The following ATXN8OS variants were observed in gnomAD, a reference collection of about 807,000 sequenced individuals.
ATXN8OS encodes the protein ATXN8 opposite strand (non-protein coding).
intron 2 of ATXN8OS, among the ~76,000 whole-genome samples, chr13:70,119,134 C>T (rs961462862): frequency 6.6e-6 from 1 of 151,946 alleles, no homozygotes; most frequent in African/African-American, 2.4e-5. Context: ...TCTAACTAAC[C>T]CCACAAAAAG....
rs976406739 is a variant in ATXN8OS, at chr13:70,132,112, T to C, written n.499+2228T>C. Among the ~76,000 whole-genome samples the C allele has an allele frequency of 3.3e-5, 5 of 152,236 alleles. No homozygotes were observed. The South Asian group carries it at 8.3e-4, about 25-fold the overall frequency. The stretch of plus-strand genomic sequence containing the variant: ...ATTTTTAGTTCACTTTTATAATGCA[T>C]TGAAAATACTTAGGGACATTATTTA... On this transcript the variant is annotated intron_variant and non_coding_transcript_variant, in intron 3 of 4. Coordinates refer to ENST00000678624, the Ensembl canonical transcript of ATXN8OS.
At chr13:70,114,320 C>T (rs1888243442) in intron 1 of ATXN8OS, among the ~76,000 whole-genome samples, 1 of 152,126 alleles carries the variant, frequency 6.6e-6, no homozygotes, top group Admixed American at 6.5e-5. Flanking sequence ...ACTCTAGTCA[C>T]TGGCCATCAT....
At chr13:70,107,934 AC>A in exon 1 of ATXN8OS, 1 of 480,890 alleles carries the variant, frequency 2.1e-6, no homozygotes. Flanking sequence ...GCGTGGGGAC[AC>A]CACCAGGCAG....
intron 4 of ATXN8OS, among the ~76,000 whole-genome samples, chr13:70,158,597 G>T (rs1423326568): frequency 6.6e-6 from 1 of 152,084 alleles, no homozygotes; most frequent in African/African-American, 2.4e-5. Flanking sequence ...TTCTGTAAAG[G>T]GTCAGATAGT....
chr13:70,109,749 C>A (rs1888171044), intron 1 of ATXN8OS, among the ~76,000 whole-genome samples: 1 of 152,030 alleles, frequency 6.6e-6, no homozygotes, highest in South Asian at 2.1e-4. Flanking sequence ...GGTGACAGAT[C>A]ATTTTTATCC....
At chr13:70,151,087 A>G (rs1461149471) in intron 4 of ATXN8OS, among the ~76,000 whole-genome samples, 1 of 152,088 alleles carries the variant, frequency 6.6e-6, no homozygotes, top group East Asian at 1.9e-4. Context: ...AAGGTAATAA[A>G]AATATCTATC....
chr13:70,143,335 T>C (rs1015579059), intron 3 of ATXN8OS, among the ~76,000 whole-genome samples: 3 of 152,154 alleles, frequency 2.0e-5, no homozygotes, highest in African/African-American at 7.2e-5. Context: ...CAGAGGAATT[T>C]ACCTATTGAT....
At chr13:70,152,061 T>G (rs966148903) in intron 4 of ATXN8OS, among the ~76,000 whole-genome samples, 1 of 152,134 alleles carries the variant, frequency 6.6e-6, no homozygotes, top group African/African-American at 2.4e-5. Flanking sequence ...TGTCATCTTA[T>G]GTCACTTACT....
In ATXN8OS at chr13:70,117,240, AT is replaced by A. The variant is rs1271198104; in HGVS notation, n.398+1943del. Among the ~76,000 whole-genome samples, 19 of 152,150 alleles carry A rather than the reference AT, an allele frequency of 1.2e-4. No individual in the cohort carries two copies. In the East Asian group the frequency reaches 3.5e-3, roughly 28 times the overall value. On this transcript the variant is annotated intron_variant and non_coding_transcript_variant, in intron 2 of 4. Transcript: ENST00000678624. ...CCTTCTCTCTCACACACATACACAT[AT>A]GCACACACAAAAGTAACCATTTTAG...
intron 4 of ATXN8OS, among the ~76,000 whole-genome samples, chr13:70,166,861 A>G (rs9542196): frequency 0.93 from 140,672 of 151,524 alleles, 65,843 homozygotes; most frequent in East Asian, 0.99. Context: ...CAAAGGATAT[A>G]AACAGACACT....
At chr13:70,114,374 A>G (rs928221964) in intron 1 of ATXN8OS, among the ~76,000 whole-genome samples, 1 of 152,190 alleles carries the variant, frequency 6.6e-6, no homozygotes, top group East Asian at 1.9e-4. Context: ...AGGAAATATG[A>G]CATGGACTTC....
intron 1 of ATXN8OS, among the ~76,000 whole-genome samples, chr13:70,111,363 G>A (rs1427354898): frequency 6.6e-6 from 1 of 152,186 alleles, no homozygotes; most frequent in African/African-American, 2.4e-5. Flanking sequence ...AGAAGTCTAA[G>A]TTCTAGAGGC....
chr13:70,152,709 A>G (rs561551439), intron 4 of ATXN8OS, among the ~76,000 whole-genome samples: 47 of 152,212 alleles, frequency 3.1e-4, no homozygotes, highest in African/African-American at 1.1e-3. Flanking sequence ...AGCAGTAGTT[A>G]TTATCTCTGT....
intron 3 of ATXN8OS, among the ~76,000 whole-genome samples, chr13:70,132,860 T>G (rs201053184): frequency 2.0e-5 from 2 of 101,740 alleles, no homozygotes; most frequent in African/African-American, 1.3e-4. Context: ...TAAAGTCTAT[T>G]TTTTTTTTTG....
At chr13:70,151,734 T>C (rs945862017) in intron 4 of ATXN8OS, among the ~76,000 whole-genome samples, 4 of 152,114 alleles carry the variant, frequency 2.6e-5, no homozygotes, top group African/African-American at 4.8e-5. Context: ...TGATTAAAGT[T>C]GTATTTCAAC....
chr13:70,146,136 T>C (rs1888783320), intron 3 of ATXN8OS, among the ~76,000 whole-genome samples: 1 of 149,118 alleles, frequency 6.7e-6, no homozygotes, highest in Admixed American at 6.7e-5. Context: ...AAGAAGACTT[T>C]TATGCAGCCA....
At chr13:70,154,837 G>C (rs1177417739) in intron 4 of ATXN8OS, among the ~76,000 whole-genome samples, 1 of 152,236 alleles carries the variant, frequency 6.6e-6, no homozygotes. Flanking sequence ...GAGTAGGCCT[G>C]AACTACAGCT....
At chr13:70,149,919 G>A (rs898549115) in intron 4 of ATXN8OS, among the ~76,000 whole-genome samples, 1 of 152,078 alleles carries the variant, frequency 6.6e-6, no homozygotes, top group African/African-American at 2.4e-5. Flanking sequence ...AATTAAAGAG[G>A]AAACAATGAA....
At chr13:70,151,778 TCC>T (rs1888870797) in intron 4 of ATXN8OS, among the ~76,000 whole-genome samples, 1 of 152,094 alleles carries the variant, frequency 6.6e-6, no homozygotes, top group African/African-American at 2.4e-5. Context: ...TTAGAAGTCA[TCC>T]GTAATAACTC....
Sources: gnomAD v4.1 joint callset for allele counts (sites outside exome capture counted in the v4.1 genomes callset) on GRCh38, gnomAD v4.1.1 for gene constraint, MANE v1.5 for transcripts, NCBI Gene and HGNC (gene_info 2026-07-23, HGNC 2026-07-21) for gene names.